EVI5: variants seen among roughly 807,000 people sequenced by gnomAD.
The protein encoded by EVI5 is ecotropic viral integration site 5 protein homolog.
A neutral mutation model predicts 112.0 loss-of-function variants in EVI5; 73 were observed. The observed-to-expected ratio is 0.65, with a 90% confidence interval of 0.54 to 0.79. The LOEUF (loss-of-function observed/expected upper bound fraction) is 0.79, where lower values mean the gene tolerates loss of function less well. Among genes scored for constraint, EVI5 ranks in the 30% least tolerant of loss-of-function variants. EVI5 has a pLI of 0.00. For missense variants in EVI5, 900 were observed against 968.8 expected (o/e 0.93, Z 0.94); for synonymous variants, 305 against 319.9 (o/e 0.95, Z 0.50).
At chr1:92,633,706 C>T (rs878915168) in intron 14 of EVI5, among the ~76,000 whole-genome samples, 25 of 152,112 alleles carry the variant, frequency 1.6e-4, no homozygotes, top group African/African-American at 6.0e-4. Flanking sequence ...TGAATTTGAT[C>T]CTGACATTAT....
At chr1:92,596,195 G>GA (rs1264995849) in intron 18 of EVI5, among the ~76,000 whole-genome samples, 1 of 151,492 alleles carries the variant, frequency 6.6e-6, no homozygotes, top group Non-Finnish European at 1.5e-5. Context: ...CACCTCTACA[G>GA]AAAAAAAATA....
Position 92,512,626 on chromosome 1 carries a change from G to GT in EVI5, c.*1029dup, listed in dbSNP as rs1158566735. The GT allele has an allele frequency of 1.3e-5, 2 of 152,172 alleles. No homozygotes were observed. Among genetic ancestry groups the GT allele is most frequent in the African/African-American group, 2.4e-5 (1 of 41,442 alleles). 9.4% of individuals were successfully genotyped at this position (152,172 alleles called of 1,614,324 possible). Reference sequence around the variant, plus strand: ...TTTATAAATATGTACAAACAAAACAGTATGTCTGTAGTTAACCTACTACTC... The same window carrying GT: ...TTTATAAATATGTACAAACAAAACAGTTATGTCTGTAGTTAACCTACTACTC... On this transcript the variant is annotated 3_prime_UTR_variant, in exon 20 of 20. Transcript: ENST00000684568.
chr1:92,691,837 T>C (rs550812311), intron 9 of EVI5, among the ~76,000 whole-genome samples: 4 of 152,258 alleles, frequency 2.6e-5, no homozygotes, highest in East Asian at 1.9e-4. Context: ...TTTAGGAAGT[T>C]TGGAAATGAC....
chr1:92,724,549 T>C (rs757469), intron 2 of EVI5, among the ~76,000 whole-genome samples: 139,882 of 152,186 alleles, frequency 0.92, 64,371 homozygotes, highest in East Asian at 0.97. Flanking sequence ...CATTCATGCC[T>C]GTAATTCCAA....
In EVI5 at chr1:92,520,964, C is replaced by CTT. The variant is rs375289358; in HGVS notation, c.2167-6996_2167-6995dup. 1.2e-3 allele frequency among the ~76,000 whole-genome samples: 171 copies of CTT among 142,288 alleles called. 2 individuals are homozygous for CTT. Among genetic ancestry groups the CTT allele is most frequent in the Non-Finnish European group, 1.8e-3 (114 of 64,956 alleles). 93.3% of individuals were successfully genotyped at this position (142,288 alleles called of 152,430 possible). ...AGCACGTATGAGATTGCTGCTTCTT[C>CTT]TTTTTTTTTTTTTTTGAGACAGGGT... On this transcript the variant is annotated intron_variant, in intron 19 of 19. Coordinates refer to ENST00000684568, the MANE Select transcript of EVI5 (RefSeq NM_001350197.2).
At chr1:92,780,311 T>C (rs1035027108) in intron 1 of EVI5, among the ~76,000 whole-genome samples, 1 of 152,256 alleles carries the variant, frequency 6.6e-6, no homozygotes, top group African/African-American at 2.4e-5. Flanking sequence ...TTGGGTATTC[T>C]TCATAGCAGC....
chr1:92,644,341 T>C (rs1409331295), intron 13 of EVI5, among the ~76,000 whole-genome samples: 1 of 152,218 alleles, frequency 6.6e-6, no homozygotes, highest in Non-Finnish European at 1.5e-5. Flanking sequence ...ATCTAGAATA[T>C]GAAATAAGAC....
chr1:92,683,245 T>A (rs1667901091), intron 9 of EVI5, among the ~76,000 whole-genome samples: 1 of 152,150 alleles, frequency 6.6e-6, no homozygotes, highest in South Asian at 2.1e-4. Flanking sequence ...TGTTCTGCAG[T>A]CTCCGCTGAT....
intron 9 of EVI5, among the ~76,000 whole-genome samples, chr1:92,679,645 G>A (rs922627837): frequency 2.6e-5 from 4 of 152,140 alleles, no homozygotes; most frequent in African/African-American, 9.7e-5. Context: ...ATGGTACATT[G>A]TTATAATTAA....
rs1659263235 is a variant in EVI5, at chr1:92,512,729, TA to T, written c.*926del. On this transcript the variant is annotated 3_prime_UTR_variant, in exon 20 of 20. Transcript: ENST00000684568. ...CAAAACTTAAAACTCTCAAAACAGA[TA>T]ATCATGAATTTGTGTTTATAAAATT... 6.6e-6 allele frequency: 1 copy of T among 152,022 alleles called. No individual in the cohort carries two copies. The highest frequency in any genetic ancestry group is 2.4e-5 in the African/African-American group (1 of 41,398). The allele number at this position is 152,022 out of a possible 1,614,324, so 9.4% of individuals were successfully genotyped here. A position where few individuals can be genotyped will look rare whatever the true frequency, so the allele number is the denominator to read the frequency against.
intron 6 of EVI5, 31 bp downstream of exon 6, chr1:92,697,829 A>T: frequency 6.4e-7 from 1 of 1,571,994 alleles, no homozygotes; most frequent in Non-Finnish European, 8.7e-7. Flanking sequence ...TATAAAGGCA[A>T]TATGCCTTTT....
At chr1:92,694,769 T>C (rs1189700053) in intron 7 of EVI5, among the ~76,000 whole-genome samples, 1 of 152,204 alleles carries the variant, frequency 6.6e-6, no homozygotes, top group Non-Finnish European at 1.5e-5. Context: ...TACAAATTGA[T>C]TTTCCCAAGA....
intron 1 of EVI5, among the ~76,000 whole-genome samples, chr1:92,772,410 C>T (rs893408902): frequency 1.3e-5 from 2 of 151,356 alleles, no homozygotes; most frequent in East Asian, 2.0e-4. Context: ...TCCTGGCTAA[C>T]ACAGTGAAAC....
At chr1:92,732,817 T>A (rs757216956) in intron 2 of EVI5, among the ~76,000 whole-genome samples, 5 of 148,522 alleles carry the variant, frequency 3.4e-5, no homozygotes, top group Non-Finnish European at 7.4e-5. Context: ...GAAGAATTGC[T>A]TGAACCCAGG....
chr1:92,725,794 TCCATCAAAAGCAAA>T (rs1172679173), intron 2 of EVI5, among the ~76,000 whole-genome samples: 3 of 150,936 alleles, frequency 2.0e-5, no homozygotes. Context: ...GGGAAATCAA[TCCATCAAAAGCAAA>T]CCAGCATTAA....
chr1:92,536,657 T>C (rs1663950662), intron 19 of EVI5, among the ~76,000 whole-genome samples: 1 of 152,160 alleles, frequency 6.6e-6, no homozygotes, highest in African/African-American at 2.4e-5. Flanking sequence ...GAAATTTCTT[T>C]TGTGAAATAG....
intron 19 of EVI5, among the ~76,000 whole-genome samples, chr1:92,520,579 G>A (rs1660735659): frequency 6.6e-6 from 1 of 152,046 alleles, no homozygotes; most frequent in Non-Finnish European, 1.5e-5. Context: ...GGCCAGGCAT[G>A]GTGGCTCACA....
chr1:92,669,773 G>T (rs1665550871), intron 10 of EVI5, among the ~76,000 whole-genome samples: 1 of 151,838 alleles, frequency 6.6e-6, no homozygotes, highest in Non-Finnish European at 1.5e-5. Context: ...TACATAGAAA[G>T]GTTAATAACT....
At chr1:92,658,652 C>T (rs1048520063) in intron 13 of EVI5, among the ~76,000 whole-genome samples, 1 of 152,118 alleles carries the variant, frequency 6.6e-6, no homozygotes, top group African/African-American at 2.4e-5. Context: ...AATGACCATA[C>T]TGCCCAAAGC....
Sources: gnomAD v4.1 joint callset for allele counts (sites outside exome capture counted in the v4.1 genomes callset) on GRCh38, gnomAD v4.1.1 for gene constraint, MANE v1.5 for transcripts, NCBI Gene and HGNC (gene_info 2026-07-23, HGNC 2026-07-21) for gene names.